HPSE2: variants seen among roughly 807,000 people sequenced by gnomAD.
The protein encoded by HPSE2 is inactive heparanase-2.
A neutral mutation model predicts 60.5 loss-of-function variants in HPSE2; 38 were observed. The ratio of observed to expected loss-of-function variants is 0.63; its 90% CI spans 0.48 to 0.82. HPSE2 has a LOEUF of 0.82. Ranked by LOEUF, HPSE2 falls within the 40% of genes least tolerant of loss-of-function variation. The pLI, the probability that HPSE2 is intolerant of heterozygous loss-of-function variation, is 0.00. For synonymous variants in HPSE2, 295 were observed against 293.2 expected (o/e 1.01, Z -0.06); for missense variants, 713 against 740.4 (o/e 0.96, Z 0.43).
chr10:98,717,461 C>T (rs191405565), intron 5 of HPSE2, among the ~76,000 whole-genome samples: 2 of 152,108 alleles, frequency 1.3e-5, no homozygotes, highest in African/African-American at 2.4e-5. Context: ...TAAGCTTAAT[C>T]GTATTGAGCT....
At chr10:98,779,727 C>T (rs183937148) in intron 3 of HPSE2, among the ~76,000 whole-genome samples, 2 of 152,138 alleles carry the variant, frequency 1.3e-5, no homozygotes, top group African/African-American at 2.4e-5. Context: ...TATTGAATAT[C>T]GAGTCATAGC....
chr10:98,974,749 A>T (rs1176822643), intron 3 of HPSE2, among the ~76,000 whole-genome samples: 2 of 152,184 alleles, frequency 1.3e-5, no homozygotes, highest in South Asian at 2.1e-4. Flanking sequence ...TTGATGGAAG[A>T]CACAATATAA....
At chr10:98,927,835 A>G (rs2135095348) in intron 3 of HPSE2, among the ~76,000 whole-genome samples, 1 of 150,948 alleles carries the variant, frequency 6.6e-6, no homozygotes, top group Middle Eastern at 3.4e-3. Flanking sequence ...ACAAAAATCA[A>G]TTCAAGATGG....
At chr10:98,520,140 T>G (rs1190929071) in intron 9 of HPSE2, among the ~76,000 whole-genome samples, 1 of 152,164 alleles carries the variant, frequency 6.6e-6, no homozygotes, top group Non-Finnish European at 1.5e-5. Context: ...TGGGAAAGCA[T>G]GACAAAAGGA....
At chr10:99,161,421 A>G (rs1407250833) in intron 2 of HPSE2, among the ~76,000 whole-genome samples, 1 of 152,140 alleles carries the variant, frequency 6.6e-6, no homozygotes, top group Non-Finnish European at 1.5e-5. Flanking sequence ...ACAACATTAG[A>G]CTAGATTTTG....
chr10:99,070,432 A>T, intron 3 of HPSE2, among the ~76,000 whole-genome samples: 1 of 152,236 alleles, frequency 6.6e-6, no homozygotes, highest in East Asian at 1.9e-4. Flanking sequence ...CCTATGATCT[A>T]AAAAGGGTAA....
At chr10:98,977,172 T>C (rs1042060768) in intron 3 of HPSE2, among the ~76,000 whole-genome samples, 33 of 152,184 alleles carry the variant, frequency 2.2e-4, no homozygotes, top group Admixed American at 1.2e-3. Context: ...TAGGAAACCA[T>C]CCATTTGCTA....
chr10:98,773,902 T>A (rs1950290532), intron 3 of HPSE2, among the ~76,000 whole-genome samples: 1 of 151,976 alleles, frequency 6.6e-6, no homozygotes, highest in South Asian at 2.1e-4. Context: ...CAAAAAATTT[T>A]AAAAATTAGC....
At chr10:98,570,719 A>T (rs1330546386) in intron 9 of HPSE2, among the ~76,000 whole-genome samples, 3 of 152,110 alleles carry the variant, frequency 2.0e-5, no homozygotes, top group Non-Finnish European at 4.4e-5. Flanking sequence ...TACAAATGAG[A>T]CCCTGGCACC....
chr10:98,923,882 T>C (rs1954364981), intron 3 of HPSE2, among the ~76,000 whole-genome samples: 1 of 152,170 alleles, frequency 6.6e-6, no homozygotes, highest in Non-Finnish European at 1.5e-5. Flanking sequence ...CATATATATC[T>C]ATCTCTCTGG....
chr10:98,730,790 A>C (rs992270141), intron 4 of HPSE2, among the ~76,000 whole-genome samples: 7 of 152,220 alleles, frequency 4.6e-5, no homozygotes, highest in African/African-American at 1.7e-4. Flanking sequence ...GACACATAAC[A>C]ACAACGAAAA....
intron 3 of HPSE2, among the ~76,000 whole-genome samples, chr10:98,861,119 T>C (rs1380540240): frequency 6.6e-6 from 1 of 152,224 alleles, no homozygotes; most frequent in Non-Finnish European, 1.5e-5. Context: ...ACATGTTTGA[T>C]AGGGAGCTTG....
intron 3 of HPSE2, among the ~76,000 whole-genome samples, chr10:99,037,980 C>T (rs187471696): frequency 6.6e-6 from 1 of 152,000 alleles, no homozygotes; most frequent in South Asian, 2.1e-4. Context: ...CAAATTAAGA[C>T]CATGATGATA....
At chr10:98,912,195 A>G (rs1182943146) in intron 3 of HPSE2, among the ~76,000 whole-genome samples, 1 of 152,198 alleles carries the variant, frequency 6.6e-6, no homozygotes, top group African/African-American at 2.4e-5. Context: ...AAAAAATCCT[A>G]TATTTAGCAA....
intron 6 of HPSE2, among the ~76,000 whole-genome samples, chr10:98,659,940 T>C (rs116747183): frequency 1.3e-5 from 2 of 152,344 alleles, no homozygotes; most frequent in African/African-American, 4.8e-5. Flanking sequence ...AGACTTGGTA[T>C]TGCTAACTTC....
chr10:98,665,670 C>T (rs1347811246), intron 6 of HPSE2, among the ~76,000 whole-genome samples: 1 of 152,146 alleles, frequency 6.6e-6, no homozygotes, highest in Non-Finnish European at 1.5e-5. Flanking sequence ...CCAACAATTT[C>T]ATATCCCACC....
At chr10:99,130,541 T>TA (rs1449962131) in intron 3 of HPSE2, among the ~76,000 whole-genome samples, 1 of 152,160 alleles carries the variant, frequency 6.6e-6, no homozygotes, top group African/African-American at 2.4e-5. Flanking sequence ...AAGAGTCCTT[T>TA]ATTAGCCAGC....
intron 9 of HPSE2, among the ~76,000 whole-genome samples, chr10:98,507,326 A>G (rs1028384445): frequency 1.3e-5 from 2 of 152,214 alleles, no homozygotes; most frequent in Admixed American, 1.3e-4. Context: ...GTCAAATAAT[A>G]TATTTAAAAC....
intron 3 of HPSE2, among the ~76,000 whole-genome samples, chr10:99,056,250 T>C (rs1466794948): frequency 6.6e-6 from 1 of 151,878 alleles, no homozygotes; most frequent in East Asian, 1.9e-4. Context: ...CTTAACAAAA[T>C]TAACTCATGA....
Sources: allele counts gnomAD v4.1 joint callset (sites outside exome capture counted in the v4.1 genomes callset), GRCh38; gene constraint gnomAD v4.1.1; transcripts MANE v1.5; gene names NCBI Gene and HGNC (gene_info 2026-07-23, HGNC 2026-07-21).